TJP1: variants seen among roughly 807,000 people sequenced by gnomAD.
TJP1 encodes the protein tight junction protein ZO-1.
TJP1 carries 43 observed loss-of-function variants against 194.2 expected under a neutral mutation model. That is an observed-to-expected ratio of 0.22 (90% CI 0.17 to 0.29). The LOEUF (loss-of-function observed/expected upper bound fraction) is 0.29. Ranked by LOEUF, TJP1 falls within the 10% of genes least tolerant of loss-of-function variation. TJP1 has a pLI of 1.00. For synonymous variants in TJP1, 801 were observed against 779.0 expected (o/e 1.03, Z -0.47); for missense variants, 1,971 against 2,185.7 (o/e 0.90, Z 1.96).
chr15:29,747,238 T>C (rs771787371), intron 8 of TJP1, among the ~76,000 whole-genome samples: 81 of 152,324 alleles, frequency 5.3e-4, no homozygotes, highest in Non-Finnish European at 9.4e-4. Context: ...TGAGCCGATA[T>C]TGCGCCACTG....
chr15:29,770,869 A>G (rs1406547210), intron 4 of TJP1, among the ~76,000 whole-genome samples: 1 of 151,990 alleles, frequency 6.6e-6, no homozygotes, highest in South Asian at 2.1e-4. Flanking sequence ...ATAAAATATT[A>G]AATACATTAA....
At chr15:29,891,829 T>A (rs2053319498) in intron 2 of TJP1, among the ~76,000 whole-genome samples, 1 of 152,188 alleles carries the variant, frequency 6.6e-6, no homozygotes, top group Non-Finnish European at 1.5e-5. Flanking sequence ...CAGGCCTCCT[T>A]ATTCCCTGAG....
rs536835492 is a variant in TJP1, at chr15:29,892,114, T to C, written c.306+64118A>G. Among the ~76,000 whole-genome samples, 10 of 152,328 alleles carry C rather than the reference T, an allele frequency of 6.6e-5. No individual in the cohort carries two copies. In the East Asian group the frequency reaches 1.7e-3, roughly 26 times the overall value. On this transcript the variant is annotated intron_variant, in intron 2 of 28. Coordinates refer to the TJP1 transcript ENST00000356107. Reference sequence around the variant, plus strand: ...CCAGTGAACACATGAATGATAAGAATGCAAAACAGCCTTATTGCTGATATG... The same window carrying C: ...CCAGTGAACACATGAATGATAAGAACGCAAAACAGCCTTATTGCTGATATG...
intron 2 of TJP1, among the ~76,000 whole-genome samples, chr15:29,861,745 AATTT>A (rs1350152791): frequency 2.0e-5 from 3 of 152,068 alleles, no homozygotes; most frequent in East Asian, 1.9e-4. Flanking sequence ...TTGTCTTTTC[AATTT>A]ATTTATTTTG....
intron 2 of TJP1, among the ~76,000 whole-genome samples, chr15:29,950,088 TCACCACCACCTCCAC>T (rs1212324091): frequency 1.7e-3 from 3 of 1,748 alleles, no homozygotes; most frequent in East Asian, 0.33. Flanking sequence ...ACCACCATCT[TCACCACCACCTCCAC>T]CACCACCACC....
intron 1 of TJP1, among the ~76,000 whole-genome samples, chr15:29,814,174 C>A (rs1274894566): frequency 1.3e-5 from 2 of 152,154 alleles, no homozygotes; most frequent in African/African-American, 2.4e-5. Flanking sequence ...AAACAGCAAG[C>A]CCAGGTTTAG....
In TJP1 at chr15:29,701,462, C is replaced by T. The variant is rs1288802756; in HGVS notation, c.*133G>A. On this transcript the variant is annotated 3_prime_UTR_variant, in exon 28 of 28. Coordinates refer to ENST00000614355, the MANE Select transcript of TJP1 (RefSeq NM_001330239.4). ...CAGGGGCATGCTCACTCATCTTTAT[C>T]AGTTCAAACAAATGCCTCATACTAA... 3.0e-6 allele frequency: 2 copies of T among 665,420 alleles called. No homozygotes were observed. The highest frequency in any genetic ancestry group is 5.1e-6 in the Non-Finnish European group (2 of 392,584). The allele number at this position is 665,420 out of a possible 1,614,324, so 41.2% of individuals were successfully genotyped here. A position where few individuals can be genotyped will look rare whatever the true frequency, so the allele number is the denominator to read the frequency against.
At chr15:29,858,624 G>A (rs889010639) in intron 2 of TJP1, among the ~76,000 whole-genome samples, 4 of 151,620 alleles carry the variant, frequency 2.6e-5, no homozygotes, top group Non-Finnish European at 4.4e-5. Context: ...GCTCACTGCA[G>A]CCTCAACCTC....
Position 29,779,942 on chromosome 15 carries a change from AAAACAAAC to A in TJP1, c.85-6593_85-6586del, listed in dbSNP as rs145086594. Reference sequence around the variant, plus strand: ...TAGCATGTGAACGAAGCCATATTCTAAAACAAACAAACAAACAAACAAACAAAATCCTC... The same window carrying A: ...TAGCATGTGAACGAAGCCATATTCTAAAACAAACAAACAAACAAAATCCTC... On this transcript the variant is annotated intron_variant, in intron 2 of 27. Transcript: ENST00000614355. Among the ~76,000 whole-genome samples, 732 of 151,482 alleles carry A rather than the reference AAAACAAAC, an allele frequency of 4.8e-3. 6 individuals are homozygous for A. The highest frequency in any genetic ancestry group is 7.8e-3 in the Non-Finnish European group (528 of 67,824).
At chr15:29,711,879 C>T (rs2042265287) in intron 23 of TJP1, among the ~76,000 whole-genome samples, 1 of 152,188 alleles carries the variant, frequency 6.6e-6, no homozygotes, top group Non-Finnish European at 1.5e-5. Context: ...ATCTGCGTTT[C>T]AGTAAAACTA....
intron 8 of TJP1, among the ~76,000 whole-genome samples, chr15:29,746,500 G>A (rs903950595): frequency 7.2e-5 from 11 of 151,954 alleles, no homozygotes; most frequent in African/African-American, 2.7e-4. Flanking sequence ...AATATAAACA[G>A]ACATGTTTGC....
In TJP1 at chr15:29,865,314, G is replaced by C. The variant is rs374623912; in HGVS notation, c.307-64612C>G. The stretch of plus-strand genomic sequence containing the variant: ...GCCTAAGAGCATGGGGAATGCAGCT[G>C]GTGATTCTTACAAATGTTAATGTAA... On this transcript the variant is annotated intron_variant, in intron 2 of 28. Coordinates refer to the TJP1 transcript ENST00000356107. 9.9e-5 allele frequency among the ~76,000 whole-genome samples: 15 copies of C among 152,260 alleles called. No individual in the cohort carries two copies. In the East Asian group the frequency reaches 2.5e-3, roughly 26 times the overall value.
chr15:29,829,165 G>A lies in TJP1; in HGVS notation c.307-28463C>T, dbSNP rs12905815. On this transcript the variant is annotated intron_variant, in intron 2 of 28. Transcript: ENST00000356107. ...TGCAAAGATAGTACAGAGAGTTCCTGCTGACTTCCCCTAATATTAATATCT... is the reference window on the plus strand; with the variant it reads ...TGCAAAGATAGTACAGAGAGTTCCTACTGACTTCCCCTAATATTAATATCT... Among the ~76,000 whole-genome samples, 1,099 of 152,274 alleles carry A rather than the reference G, an allele frequency of 7.2e-3. 7 individuals are homozygous for A. The highest frequency in any genetic ancestry group is 0.011 in the Non-Finnish European group (774 of 68,024).
chr15:29,864,716 G>T (rs915997353), intron 2 of TJP1, among the ~76,000 whole-genome samples: 3 of 152,070 alleles, frequency 2.0e-5, no homozygotes, highest in African/African-American at 4.8e-5. Flanking sequence ...GGCAGGAACA[G>T]GCTTCCAGTT....
intron 2 of TJP1, among the ~76,000 whole-genome samples, chr15:29,938,524 C>T (rs942363769): frequency 3.3e-5 from 5 of 152,142 alleles, no homozygotes; most frequent in Admixed American, 6.5e-5. Context: ...AGAAAAAAAG[C>T]TTGACTTCTT....
chr15:29,966,328 C>T (rs2056333155), intron 1 of TJP1, among the ~76,000 whole-genome samples: 1 of 151,998 alleles, frequency 6.6e-6, no homozygotes, highest in African/African-American at 2.4e-5. Flanking sequence ...CATGGTAATG[C>T]CCCATCTGTA....
chr15:29,838,517 A>G (rs2051111336), intron 2 of TJP1, among the ~76,000 whole-genome samples: 1 of 152,226 alleles, frequency 6.6e-6, no homozygotes, highest in Admixed American at 6.5e-5. Flanking sequence ...AATACCTTAC[A>G]TAACTCTAGA....
intron 2 of TJP1, among the ~76,000 whole-genome samples, chr15:29,876,359 A>G (rs904067014): frequency 5.3e-5 from 8 of 152,062 alleles, no homozygotes; most frequent in African/African-American, 9.7e-5. Flanking sequence ...GTCTCTACTA[A>G]AAATACAAAA....
intron 1 of TJP1, among the ~76,000 whole-genome samples, chr15:29,813,822 C>T (rs912267290): frequency 6.6e-6 from 1 of 152,210 alleles, no homozygotes; most frequent in Non-Finnish European, 1.5e-5. Flanking sequence ...GAGATGTGTT[C>T]ACTGCTGCAT....
Sources: gnomAD v4.1 joint callset for allele counts (sites outside exome capture counted in the v4.1 genomes callset) on GRCh38, gnomAD v4.1.1 for gene constraint, MANE v1.5 for transcripts, NCBI Gene and HGNC (gene_info 2026-07-23, HGNC 2026-07-21) for gene names.